The following PPP2R3C variants were observed in gnomAD, a reference collection of about 807,000 sequenced individuals.
PPP2R3C encodes the protein protein phosphatase 2 regulatory subunit B''gamma, also known as serine/threonine-protein phosphatase 2A regulatory subunit B'' subunit gamma.
Under a neutral mutation model 63.7 loss-of-function variants are expected in PPP2R3C, and 47 were observed. The observed-to-expected ratio is 0.74, with a 90% CI of 0.58 to 0.94. The LOEUF is 0.94. Ranked by LOEUF, PPP2R3C falls within the 40% of genes least tolerant of loss-of-function variation. PPP2R3C has a pLI of 0.00. For missense variants in PPP2R3C, 421 were observed against 518.4 expected, an observed-to-expected ratio of 0.81 and a Z score of 1.82; for synonymous variants, 180 against 177.4, an observed-to-expected ratio of 1.01 and a Z score of -0.12.
chr14:35,112,695 G>A (rs1055045443), intron 2 of PPP2R3C, among the ~76,000 whole-genome samples: 3 of 152,230 alleles, frequency 2.0e-5, no homozygotes, highest in Admixed American at 1.3e-4. Context: ...AACATGCCTC[G>A]TTATACCTCT....
chr14:35,085,926 C>T, intron 12 of PPP2R3C, 148 bp from the exon 13 acceptor site: 1 of 653,984 alleles, frequency 1.5e-6, no homozygotes, highest in South Asian at 2.5e-5. Context: ...ATTTTTTGTT[C>T]TACTTTTTTT....
intron 12 of PPP2R3C, chr14:35,086,052 T>C (rs900368411): frequency 2.9e-6 from 1 of 350,862 alleles, no homozygotes; most frequent in Non-Finnish European, 5.1e-6. Flanking sequence ...AAACCAAGGC[T>C]CAGTGCCTAA....
At chr14:35,098,814 A>G (rs2046092475) in intron 7 of PPP2R3C, 1 of 156,808 alleles carries the variant, frequency 6.4e-6, no homozygotes, top group Non-Finnish European at 1.4e-5. Flanking sequence ...CCTTATAGAG[A>G]ATAAGAAAAA....
chr14:35,089,782 C>T (rs946341604), intron 11 of PPP2R3C, among the ~76,000 whole-genome samples: 8 of 152,092 alleles, frequency 5.3e-5, no homozygotes, highest in South Asian at 2.1e-4. Context: ...TCTCCTGCCT[C>T]AGCCTCCCGA....
At chr14:35,104,674 G>A (rs1339555378) in intron 6 of PPP2R3C, among the ~76,000 whole-genome samples, 2 of 152,144 alleles carry the variant, frequency 1.3e-5, no homozygotes, top group Non-Finnish European at 2.9e-5. Flanking sequence ...CAGCCTCTTG[G>A]TAACTGACCT....
chr14:35,085,860 GCATCCACTGAAGTA>G, intron 12 of PPP2R3C, 82 bp from the exon 13 acceptor site: 1 of 1,135,908 alleles, frequency 8.8e-7, no homozygotes, highest in Non-Finnish European at 1.2e-6. Context: ...AGGGCTGTTT[GCATCCACTGAAGTA>G]CAGAGGAATA....
intron 11 of PPP2R3C, among the ~76,000 whole-genome samples, chr14:35,089,853 AGATGGGTTTCACCATGTTAGTGAG>A (rs1003883344): frequency 8.1e-5 from 5 of 61,808 alleles, no homozygotes; most frequent in African/African-American, 2.5e-4. Context: ...TTTTTAGTAG[AGATGGGTTTCACCATGTTAGTGAG>A]GATGGTTTTG....
chr14:35,098,421 C>T (rs536776751), intron 7 of PPP2R3C, among the ~76,000 whole-genome samples: 46 of 143,316 alleles, frequency 3.2e-4, no homozygotes, highest in African/African-American at 9.0e-4. Flanking sequence ...AACGCGATCT[C>T]GGCTCACCTC....
At chr14:35,107,181 CACAG>C (rs1426706060) in intron 6 of PPP2R3C, 119 bp downstream of exon 6, 9 of 666,778 alleles carry the variant, frequency 1.3e-5, no homozygotes, top group African/African-American at 5.4e-5. Context: ...CACAAACACA[CACAG>C]ACAGAAATAA....
intron 12 of PPP2R3C, chr14:35,086,199 T>C (rs2045588702): frequency 6.4e-6 from 1 of 155,896 alleles, no homozygotes; most frequent in African/African-American, 2.4e-5. Flanking sequence ...TTGTTTTTGT[T>C]GTTTTGTTTT....
At chr14:35,101,525 TTTAAAA>T (rs1209890608) in intron 6 of PPP2R3C, 1 of 152,252 alleles carries the variant, frequency 6.6e-6, no homozygotes, top group African/African-American at 2.4e-5. Context: ...CATTAAATTG[TTTAAAA>T]TTAACTAGTT....
chr14:35,119,297 C>CG (rs966807848), intron 1 of PPP2R3C, among the ~76,000 whole-genome samples: 6 of 152,018 alleles, frequency 3.9e-5, no homozygotes, highest in Non-Finnish European at 7.4e-5. Context: ...CTCGGCCTCC[C>CG]GAAGTGTTGG....
chr14:35,109,704 C>T lies in PPP2R3C; in HGVS notation c.404+115G>A, dbSNP rs1056229842. On this transcript the variant is annotated intron_variant, in intron 4 of 12. Transcript: ENST00000261475. ...CACCCCAGCTCAAGCAATCCTCTCACCTCAGCCTCCAAAACTGCTGGGATT... is the reference window on the plus strand; with the variant it reads ...CACCCCAGCTCAAGCAATCCTCTCATCTCAGCCTCCAAAACTGCTGGGATT... 4 of 804,620 alleles carry T rather than the reference C, an allele frequency of 5.0e-6. No individual in the cohort carries two copies. In the African/African-American group the frequency reaches 7.1e-5, roughly 14 times the overall value. 49.8% of individuals were successfully genotyped at this position (804,620 alleles called of 1,614,324 possible). A position where few individuals can be genotyped will look rare whatever the true frequency, so the allele number is the denominator to read the frequency against.
intron 2 of PPP2R3C, among the ~76,000 whole-genome samples, chr14:35,112,337 A>C (rs540620069): frequency 3.9e-5 from 6 of 152,200 alleles, no homozygotes; most frequent in Non-Finnish European, 8.8e-5. Context: ...TCCTGGACTC[A>C]AGCAGTCCTC....
Position 35,110,520 on chromosome 14 carries a change from C to T in PPP2R3C, c.291+5G>A, listed in dbSNP as rs1449481716. ...ATCTAAAGCAACTTTTTGCTTTGTT[C>T]TTACCTGTAATTCTTCATTATCTAA... On this transcript the variant is annotated splice_donor_5th_base_variant and intron_variant, in intron 3 of 12. Transcript: ENST00000261475. The T allele has an allele frequency of 6.3e-7, 1 of 1,581,666 alleles. No individual in the cohort carries two copies. Among genetic ancestry groups the T allele is most frequent in the Non-Finnish European group, 8.6e-7 (1 of 1,158,000 alleles).
chr14:35,095,187 T>G lies in PPP2R3C; in HGVS notation c.839-3A>C. On this transcript the variant is annotated splice_region_variant and splice_polypyrimidine_tract_variant and intron_variant, in intron 9 of 12. Coordinates refer to ENST00000261475, the MANE Select transcript of PPP2R3C (RefSeq NM_017917.4). ...TTTATCAAGATTCAAGTACTGGCCT[T>G]GGGAAGAAAAATAATAAAGACACTT... 1 of 1,609,840 alleles carries G rather than the reference T, an allele frequency of 6.2e-7. No homozygotes were observed.
chr14:35,112,967 TG>T (rs2046610217), intron 2 of PPP2R3C: 1 of 152,250 alleles, frequency 6.6e-6, no homozygotes, highest in African/African-American at 2.4e-5. Flanking sequence ...ATCAAACCAA[TG>T]TATTTCTCAA....
At chr14:35,096,527 T>C (rs2046004250) in intron 9 of PPP2R3C, 31 bp downstream of exon 9, 1 of 1,582,428 alleles carries the variant, frequency 6.3e-7, no homozygotes, top group South Asian at 1.1e-5. Context: ...GAATGGATAA[T>C]TCAAATTTTA....
chr14:35,122,185 G>A, upstream of PPP2R3C: 4 of 559,192 alleles, frequency 7.2e-6, no homozygotes, highest in Non-Finnish European at 1.3e-5. Context: ...TGAAAGAGAT[G>A]GAAAATGGTT....
Sources: gnomAD v4.1 joint callset for allele counts (sites outside exome capture counted in the v4.1 genomes callset) on GRCh38, gnomAD v4.1.1 for gene constraint, MANE v1.5 for transcripts, NCBI Gene and HGNC (gene_info 2026-07-23, HGNC 2026-07-21) for gene names.